Variants in NOTCH2 observed in about 807,000 individuals in gnomAD.
NOTCH2 encodes neurogenic locus notch homolog protein 2.
NOTCH2 carries 29 observed loss-of-function variants against 235.8 expected under a neutral mutation model. The ratio of observed to expected loss-of-function variants is 0.12; its 90% CI spans 0.09 to 0.17. NOTCH2 has a LOEUF of 0.17. Ranked by LOEUF, NOTCH2 falls within the 10% of genes least tolerant of loss-of-function variation. The pLI, the probability that NOTCH2 is intolerant of heterozygous loss-of-function variation, is 1.00. For synonymous variants in NOTCH2, 1,086 were observed against 1,141.5 expected, an observed-to-expected ratio of 0.95 and a Z score of 0.98; for missense variants, 2,285 against 3,150.2, an observed-to-expected ratio of 0.73 and a Z score of 6.57.
At chr1:120,069,269 G>A (rs1446486477) in intron 1 of NOTCH2, 65 bp downstream of exon 1, 2 of 1,526,814 alleles carry the variant, frequency 1.3e-6, no homozygotes, top group East Asian at 2.5e-5. Flanking sequence ...GACCGAGGGG[G>A]AGAAGGGTCG....
Position 120,069,433 on chromosome 1 carries a change from C to T in NOTCH2, c.-27G>A, listed in dbSNP as rs1553217974. ...TTCTCGGTCGCCTCCTCCTCCGCCG[C>T]CGCCGCCGCCGCCTGGGCAGATCCA... On this transcript the variant is annotated 5_prime_UTR_variant, in exon 1 of 34. Transcript: ENST00000256646. 4.4e-5 allele frequency: 67 copies of T among 1,528,568 alleles called. No individual in the cohort carries two copies. The highest frequency in any genetic ancestry group is 5.6e-5 in the Non-Finnish European group (64 of 1,144,396). The allele number at this position is 1,528,568 out of a possible 1,614,324, so 94.7% of individuals were successfully genotyped here. A position where few individuals can be genotyped will look rare whatever the true frequency, so the allele number is the denominator to read the frequency against.
intron 1 of NOTCH2, among the ~76,000 whole-genome samples, chr1:120,041,071 A>ATAT (rs1254233143): frequency 6.5e-5 from 5 of 77,310 alleles, no homozygotes; most frequent in Non-Finnish European, 1.0e-4. Flanking sequence ...AAAAAAAAAA[A>ATAT]ATATATATAT....
At chr1:120,015,009 T>TTA (rs1491192006) in intron 2 of NOTCH2, among the ~76,000 whole-genome samples, 11 of 109,014 alleles carry the variant, frequency 1.0e-4, no homozygotes, top group Non-Finnish European at 4.1e-5. Context: ...TTTTTTTTTT[T>TTA]AAAAACGAGG....
At position 119,997,167 on chromosome 1, in the gene NOTCH2, T is replaced by C; in HGVS notation, c.581A>G (p.His194Arg). ...NECDIPGHCQHGGTCLNLPGS... is the reference protein window; with the variant it reads ...NECDIPGHCQRGGTCLNLPGS... The stretch of plus-strand genomic sequence containing the variant: ...AGGCAGGTTGAGGCAGGTGCCACCA[T>C]GCTGGCAGTGTCCTGGAATGTCACA... The change falls in exon 4 of 34, where the codon CAT becomes CGT. Residue 194 changes from histidine to arginine, a missense_variant. His to Arg is a conservative substitution (Grantham distance 29). Transcript: ENST00000256646. 1 of 1,614,012 alleles carries C rather than the reference T, an allele frequency of 6.2e-7. No homozygotes were observed. The highest frequency in any genetic ancestry group is 1.1e-5 in the South Asian group (1 of 91,084).
At chr1:119,978,722 G>A (rs1426869606) in intron 5 of NOTCH2, among the ~76,000 whole-genome samples, 2 of 152,044 alleles carry the variant, frequency 1.3e-5, no homozygotes, top group African/African-American at 4.8e-5. Flanking sequence ...CCACTCTCTG[G>A]CTCTCCCCAC....
Position 119,919,618 on chromosome 1 carries a change from A to G in NOTCH2, c.5480-5T>C. 6.2e-7 allele frequency: 1 copy of G among 1,613,634 alleles called. No homozygotes were observed. The highest frequency in any genetic ancestry group is 8.5e-7 in the Non-Finnish European group (1 of 1,179,818). ...ACATCAATGGGGTGCAGCCATCTGT[A>G]GGAATGGAAAATTCCATAAAGTACT... On this transcript the variant is annotated splice_polypyrimidine_tract_variant and splice_region_variant and intron_variant, in intron 30 of 33. Transcript: ENST00000256646.
Position 119,926,608 on chromosome 1 carries a change from C to G in NOTCH2, c.3896G>C (p.Arg1299Pro), listed in dbSNP as rs773971657. ...CACATCGACGAAGGTTTCACAGTGC[C>G]GGCCTCAGAAAATAAAAAATAAAAA... is the stretch of plus-strand genomic sequence containing the variant. Reference protein sequence around the residue: ...LCVCRSAFTGRHCETFVDVCP... With the variant: ...LCVCRSAFTGPHCETFVDVCP... Residue 1299 changes from arginine to proline, a missense_variant, in exon 24 of 34, where the codon CGG becomes CCG. Physicochemically the swap from Arg to Pro is moderately radical, Grantham distance 103. This residue lies in a region of NOTCH2 where 1,173 missense variants were observed against 1,515.3 expected (regional missense o/e 0.77). Coordinates refer to ENST00000256646, the MANE Select transcript of NOTCH2 (RefSeq NM_024408.4). 6.2e-7 allele frequency: 1 copy of G among 1,602,374 alleles called. No individual in the cohort carries two copies. Among genetic ancestry groups the G allele is most frequent in the Non-Finnish European group, 8.5e-7 (1 of 1,172,944 alleles).
At chr1:120,045,645 C>T (rs1165512026) in intron 1 of NOTCH2, among the ~76,000 whole-genome samples, 2 of 152,034 alleles carry the variant, frequency 1.3e-5, no homozygotes, top group African/African-American at 2.4e-5. Flanking sequence ...ACAGTATTCC[C>T]TCTTAAGGAG....
At chr1:119,995,811 A>G (rs587624908) in intron 4 of NOTCH2, 1 of 152,362 alleles carries the variant, frequency 6.6e-6, no homozygotes, top group Admixed American at 6.5e-5. Context: ...TGCCTAGAAC[A>G]TAGCAGGCAG....
In NOTCH2 at chr1:119,915,604, T is replaced by C. The variant is rs962237058; in HGVS notation, c.7118A>G (p.Tyr2373Cys). The C allele has an allele frequency of 1.9e-6, 3 of 1,613,828 alleles. No individual in the cohort carries two copies. Among genetic ancestry groups the C allele is most frequent in the Non-Finnish European group, 2.5e-6 (3 of 1,180,018 alleles). ...GCCCACAGAGGCTGGGAAAGGATGA[T>C]AGGCTGGGAGAATGGTCTGAGCTAC... is the stretch of plus-strand genomic sequence containing the variant. ...GQVAQTILPA[Y>C]HPFPASVGKY... The change falls in exon 34 of 34, where the codon TAT (tyrosine) becomes TGT (cysteine). Residue 2373 changes from tyrosine (Y) to cysteine (C), a missense_variant. Transcript: ENST00000256646.
At chr1:119,969,925 TC>T (rs1455331348) in intron 5 of NOTCH2, among the ~76,000 whole-genome samples, 181 bp from the exon 6 acceptor site, 1 of 152,168 alleles carries the variant, frequency 6.6e-6, no homozygotes, top group Non-Finnish European at 1.5e-5. Flanking sequence ...TGATATTTTT[TC>T]CAGGCAAATC....
chr1:120,067,013 G>A (rs1570801930), intron 1 of NOTCH2, among the ~76,000 whole-genome samples: 1 of 150,336 alleles, frequency 6.7e-6, no homozygotes, highest in East Asian at 1.9e-4. Context: ...GCAAGAGGAT[G>A]GTCCTGGATA....
In NOTCH2 at chr1:119,925,540, G is replaced by T. The variant is rs1268581110; in HGVS notation, c.4276C>A (p.Leu1426Met). 2 of 1,614,186 alleles carry T rather than the reference G, an allele frequency of 1.2e-6. No homozygotes were observed. Among genetic ancestry groups the T allele is most frequent in the South Asian group, 2.2e-5 (2 of 91,090 alleles). The change falls in exon 25 of 34, where the codon CTG becomes ATG. Residue 1426 changes from leucine (L) to methionine (M), a missense_variant. Transcript: ENST00000256646. The part of the protein sequence containing the change: ...APPSTPPATC[L>M]SQYCADKARD... ...GCTTTGTCGGCACAATACTGGCTCA[G>T]ACAGGTGGCAGGAGGGGTGCTGGGG...
chr1:119,921,055 CAA>C (rs1237339749), intron 29 of NOTCH2, among the ~76,000 whole-genome samples: 1 of 152,236 alleles, frequency 6.6e-6, no homozygotes, highest in Non-Finnish European at 1.5e-5. Context: ...AGGATAATTA[CAA>C]AGAGGTTAAG....
chr1:119,930,571 G>A (rs1649618322), intron 22 of NOTCH2, among the ~76,000 whole-genome samples: 1 of 151,414 alleles, frequency 6.6e-6, no homozygotes. Context: ...TTGAGGTCAG[G>A]AGTTCAAGAC....
chr1:119,915,163 T>C lies in NOTCH2; in HGVS notation c.*143A>G. The C allele has an allele frequency of 7.1e-6, 6 of 845,732 alleles. No individual in the cohort carries two copies. Among genetic ancestry groups the C allele is most frequent in the South Asian group, 5.8e-5 (4 of 69,264 alleles). The allele number at this position is 845,732 out of a possible 1,614,324, so 52.4% of individuals were successfully genotyped here. On this transcript the variant is annotated 3_prime_UTR_variant, in exon 34 of 34. Transcript: ENST00000256646. ...AACTGACGAATTGCTTCTCTTGCAT[T>C]ATCTGAATAAGAACATCTTCTCTTT...
chr1:119,963,202 G>GGAAGGAAGGAAT (rs1651009610), intron 11 of NOTCH2, among the ~76,000 whole-genome samples: 1 of 150,954 alleles, frequency 6.6e-6, no homozygotes, highest in Non-Finnish European at 1.5e-5. Context: ...AAGGAAGGAA[G>GGAAGGAAGGAAT]GAAGGAAGGA....
chr1:119,933,474 A>G (rs1649736674), intron 22 of NOTCH2, among the ~76,000 whole-genome samples: 1 of 152,246 alleles, frequency 6.6e-6, no homozygotes, highest in African/African-American at 2.4e-5. Flanking sequence ...AGAAATTCAT[A>G]CCTACATACA....
chr1:120,015,289 C>G (rs2101277493), intron 2 of NOTCH2, among the ~76,000 whole-genome samples: 1 of 152,366 alleles, frequency 6.6e-6, no homozygotes, highest in East Asian at 1.9e-4. Context: ...AACCCACTTT[C>G]TTCTTGCGCT....
Sources: gnomAD v4.1 joint callset for allele counts (sites outside exome capture counted in the v4.1 genomes callset) on GRCh38, gnomAD v4.1.1 for gene constraint, gnomAD v4.1.1 regional missense constraint, MANE v1.5 for transcripts, NCBI Gene and HGNC (gene_info 2026-07-23, HGNC 2026-07-21) for gene names.